Variants in TBC1D4 observed in about 807,000 individuals in gnomAD.
TBC1D4 encodes TBC1 domain family member 4.
In TBC1D4, 121 loss-of-function variants were observed where a neutral mutation model predicts 142.5. The ratio of observed to expected loss-of-function variants is 0.85; its 90% confidence interval spans 0.73 to 0.99. The LOEUF (loss-of-function observed/expected upper bound fraction) is 0.99, where lower values mean the gene tolerates loss of function less well. Ranked by LOEUF, TBC1D4 falls within the 50% of genes least tolerant of loss-of-function variation. The pLI is 0.00. For missense variants in TBC1D4, 1,475 were observed against 1,606.6 expected, an observed-to-expected ratio of 0.92 and a Z score of 1.40; for synonymous variants, 630 against 628.2, an observed-to-expected ratio of 1.00 and a Z score of -0.04.
intron 8 of TBC1D4, among the ~76,000 whole-genome samples, chr13:75,332,020 C>T (rs1186608060): frequency 6.6e-6 from 1 of 152,140 alleles, no homozygotes; most frequent in East Asian, 1.9e-4. Flanking sequence ...CTCTGGGAAA[C>T]AAAAGCTACA....
intron 20 of TBC1D4, 85 bp downstream of exon 20, chr13:75,288,849 G>A (rs879397030): frequency 5.7e-6 from 8 of 1,396,736 alleles, no homozygotes; most frequent in Middle Eastern, 2.4e-4. Context: ...TTCATTCCAC[G>A]CACATATCCC....
chr13:75,426,922 G>T lies in TBC1D4; in HGVS notation c.498+54348C>A, dbSNP rs533477757. On this transcript the variant is annotated intron_variant, in intron 1 of 20. Transcript: ENST00000377636. Reference sequence around the variant, plus strand: ...AAAATAGATGGGCATGGTGGTGCATGCCTGTAGTCCCAGCTACTCGGGAGG... The same window carrying T: ...AAAATAGATGGGCATGGTGGTGCATTCCTGTAGTCCCAGCTACTCGGGAGG... Among the ~76,000 whole-genome samples the T allele has an allele frequency of 8.6e-4, 130 of 151,232 alleles. 1 individual carries two copies. In the South Asian group the frequency reaches 0.02, roughly 23 times the overall value.
chr13:75,286,829 T>C lies in TBC1D4; in HGVS notation c.3860A>G (p.Asn1287Ser), dbSNP rs767600292. 1 of 1,613,876 alleles carries C rather than the reference T, an allele frequency of 6.2e-7. No homozygotes were observed. Residue 1287 changes from asparagine to serine, a missense_variant, in exon 21 of 21, where the codon AAC (asparagine) becomes AGC (serine). Transcript: ENST00000377636. ...TCCTATCTTGGCTTTGTTGTTAGGGTTGCAGTTTAGGTCTCTCAGCAACAG... is the reference window on the plus strand; with the variant it reads ...TCCTATCTTGGCTTTGTTGTTAGGGCTGCAGTTTAGGTCTCTCAGCAACAG... ...CDLLLRDLNC[N>S]PNNKAKIGNK...
At position 75,388,987 on chromosome 13, in the gene TBC1D4, C is replaced by T. The variant is rs150193316; in HGVS notation, c.499-26380G>A. Among the ~76,000 whole-genome samples, 994 of 152,296 alleles carry T rather than the reference C, an allele frequency of 6.5e-3. 9 individuals carry two copies. The highest frequency in any genetic ancestry group is 0.022 in the African/African-American group (905 of 41,574). The stretch of plus-strand genomic sequence containing the variant: ...GCAGCTCTAACTTTAGTTTTTTGTG[C>T]ATAAAGTGGTTTACTGATATCTGCT... On this transcript the variant is annotated intron_variant, in intron 1 of 20. Transcript: ENST00000377636.
At chr13:75,461,788 T>A (rs1887979524) in intron 1 of TBC1D4, among the ~76,000 whole-genome samples, 1 of 152,202 alleles carries the variant, frequency 6.6e-6, no homozygotes. Context: ...CAATTTTCCC[T>A]TGAAACACTC....
intron 1 of TBC1D4, among the ~76,000 whole-genome samples, chr13:75,429,855 T>C (rs1299170556): frequency 1.3e-5 from 2 of 152,096 alleles, no homozygotes; most frequent in South Asian, 2.1e-4. Flanking sequence ...TGAGAACCCA[T>C]AGGACTTTCA....
intron 13 of TBC1D4, among the ~76,000 whole-genome samples, chr13:75,311,370 G>A (rs987437057): frequency 9.9e-5 from 15 of 152,064 alleles, no homozygotes; most frequent in South Asian, 6.2e-4. Flanking sequence ...TGACCACCTC[G>A]GGCAGAGTTA....
At chr13:75,350,136 T>C (rs1017317799) in intron 4 of TBC1D4, among the ~76,000 whole-genome samples, 2 of 152,218 alleles carry the variant, frequency 1.3e-5, no homozygotes, top group African/African-American at 4.8e-5. Flanking sequence ...AGTGTAATTT[T>C]CCTACATTCT....
intron 5 of TBC1D4, among the ~76,000 whole-genome samples, chr13:75,347,411 G>A (rs1269158200): frequency 6.6e-6 from 1 of 152,070 alleles, no homozygotes; most frequent in East Asian, 1.9e-4. Flanking sequence ...CTCCTTGTTT[G>A]TTACTGATCA....
At position 75,399,778 on chromosome 13, in the gene TBC1D4, C is replaced by A. The variant is rs565121002; in HGVS notation, c.499-37171G>T. 2.0e-5 allele frequency among the ~76,000 whole-genome samples: 3 copies of A among 152,276 alleles called. No individual in the cohort carries two copies. In the East Asian group the frequency reaches 5.8e-4, roughly 29 times the overall value. ...CAATCTGGCCCTGTGGCTGCTCTGA[C>A]CAAAAGAATGTAGCAGAACTAATGT... On this transcript the variant is annotated intron_variant, in intron 1 of 20. Transcript: ENST00000377636.
intron 1 of TBC1D4, among the ~76,000 whole-genome samples, chr13:75,398,738 C>A (rs564780780): frequency 1.3e-5 from 2 of 152,292 alleles, no homozygotes; most frequent in South Asian, 4.2e-4. Flanking sequence ...TATAAAGTAG[C>A]CTCAGGTCAA....
intron 1 of TBC1D4, among the ~76,000 whole-genome samples, chr13:75,397,247 G>A (rs1400137981): frequency 1.3e-5 from 2 of 152,276 alleles, no homozygotes; most frequent in Middle Eastern, 3.4e-3. Context: ...TATTTACACA[G>A]TCATATTAGC....
chr13:75,407,103 C>T (rs921478953), intron 1 of TBC1D4, among the ~76,000 whole-genome samples: 2 of 152,180 alleles, frequency 1.3e-5, no homozygotes, highest in African/African-American at 4.8e-5. Context: ...ATTCATCCAG[C>T]CCCCTCAATG....
At chr13:75,408,163 A>C (rs561718031) in intron 1 of TBC1D4, among the ~76,000 whole-genome samples, 1 of 152,270 alleles carries the variant, frequency 6.6e-6, no homozygotes, top group Non-Finnish European at 1.5e-5. Flanking sequence ...CTCTATGTAT[A>C]GATTTAACTA....
chr13:75,464,510 C>T lies in TBC1D4; in HGVS notation c.498+16760G>A, dbSNP rs1205635450. On this transcript the variant is annotated intron_variant, in intron 1 of 20. Coordinates refer to ENST00000377636, the MANE Select transcript of TBC1D4 (RefSeq NM_014832.5). ...TGATCTATAGAAACAATGCTTATCA[C>T]TGGCTTACTGTCAATAAATATGTGG... 2.6e-5 allele frequency among the ~76,000 whole-genome samples: 4 copies of T among 152,238 alleles called. No homozygotes were observed. In the South Asian group the frequency reaches 6.2e-4, roughly 24 times the overall value.
chr13:75,466,192 G>A (rs1444821788), intron 1 of TBC1D4, among the ~76,000 whole-genome samples: 5 of 152,162 alleles, frequency 3.3e-5, no homozygotes, highest in South Asian at 2.1e-4. Context: ...TCACACTTGC[G>A]TAGTCAATAA....
At chr13:75,478,533 G>C (rs949899524) in intron 1 of TBC1D4, among the ~76,000 whole-genome samples, 3 of 152,146 alleles carry the variant, frequency 2.0e-5, no homozygotes, top group Non-Finnish European at 4.4e-5. Context: ...TCTTAACAAT[G>C]ATCTTAAGTC....
At chr13:75,409,730 A>G (rs998606409) in intron 1 of TBC1D4, among the ~76,000 whole-genome samples, 1 of 152,338 alleles carries the variant, frequency 6.6e-6, no homozygotes, top group Admixed American at 6.5e-5. Context: ...AAGGCTTTCA[A>G]GGAGGCAATA....
chr13:75,334,522 C>G (rs1246157820), intron 8 of TBC1D4, among the ~76,000 whole-genome samples: 2 of 151,748 alleles, frequency 1.3e-5, no homozygotes, highest in East Asian at 3.9e-4. Flanking sequence ...ATTGATACCT[C>G]CAAGTTTTAT....
Sources: gnomAD v4.1 joint callset for allele counts (sites outside exome capture counted in the v4.1 genomes callset) on GRCh38, gnomAD v4.1.1 for gene constraint, MANE v1.5 for transcripts, NCBI Gene and HGNC (gene_info 2026-07-23, HGNC 2026-07-21) for gene names.